GRID1: variants seen among roughly 807,000 people sequenced by gnomAD.
The protein encoded by GRID1 is glutamate receptor ionotropic, delta-1.
GRID1 carries 28 observed loss-of-function variants against 98.0 expected under a neutral mutation model. The observed-to-expected ratio is 0.29, with a 90% CI of 0.21 to 0.39. The LOEUF (loss-of-function observed/expected upper bound fraction) is 0.39, where lower values mean the gene tolerates loss of function less well. GRID1 is among the 10% of genes least tolerant of loss of function. The pLI, the probability that GRID1 is intolerant of heterozygous loss-of-function variation, is 1.00. For synonymous variants in GRID1, 553 were observed against 538.5 expected, an observed-to-expected ratio of 1.03 and a Z score of -0.37; for missense variants, 1,111 against 1,340.5, an observed-to-expected ratio of 0.83 and a Z score of 2.67.
At chr10:85,886,025 C>T (rs1841113078) in intron 5 of GRID1, among the ~76,000 whole-genome samples, 1 of 152,140 alleles carries the variant, frequency 6.6e-6, no homozygotes. Flanking sequence ...TCCAGGATAC[C>T]CAGAACCAGA....
intron 4 of GRID1, among the ~76,000 whole-genome samples, chr10:85,960,493 T>C (rs1393967673): frequency 3.3e-5 from 5 of 152,224 alleles, no homozygotes; most frequent in African/African-American, 9.6e-5. Flanking sequence ...AAGCTTTCTC[T>C]AGCCTTCAAC....
chr10:86,013,006 C>A (rs188599389), intron 4 of GRID1, among the ~76,000 whole-genome samples: 1 of 152,262 alleles, frequency 6.6e-6, no homozygotes, highest in East Asian at 1.9e-4. Flanking sequence ...TGGATCTTGA[C>A]TAATCCTAAT....
At chr10:86,363,296 T>A (rs1294170915) in intron 2 of GRID1, among the ~76,000 whole-genome samples, 2 of 152,156 alleles carry the variant, frequency 1.3e-5, no homozygotes, top group African/African-American at 2.4e-5. Context: ...GCTCCGCTCC[T>A]TTCCTGGGCG....
intron 12 of GRID1, among the ~76,000 whole-genome samples, chr10:85,679,857 C>T (rs963611331): frequency 6.6e-6 from 1 of 152,170 alleles, no homozygotes; most frequent in African/African-American, 2.4e-5. Context: ...CAGCGCCTGC[C>T]CTGAGGCAGC....
chr10:86,108,574 T>C (rs1055473694), intron 4 of GRID1, among the ~76,000 whole-genome samples: 4 of 152,150 alleles, frequency 2.6e-5, no homozygotes, highest in African/African-American at 7.2e-5. Flanking sequence ...AGGAGCTCCA[T>C]CTCCCCAAAA....
At chr10:85,755,510 C>G (rs990102521) in intron 8 of GRID1, among the ~76,000 whole-genome samples, 10 of 152,188 alleles carry the variant, frequency 6.6e-5, no homozygotes, top group Non-Finnish European at 5.9e-5. Flanking sequence ...TGCTAGTGGT[C>G]AAAGCAAGTC....
intron 4 of GRID1, among the ~76,000 whole-genome samples, chr10:85,957,844 T>C (rs1426003558): frequency 1.3e-5 from 2 of 152,224 alleles, no homozygotes; most frequent in Non-Finnish European, 2.9e-5. Flanking sequence ...TCTATATGCC[T>C]GGTCTGGCTC....
At position 85,877,964 on chromosome 10, in the gene GRID1, G is replaced by A. The variant is rs111728122; in HGVS notation, c.781-8784C>T. Among the ~76,000 whole-genome samples the A allele has an allele frequency of 2.0e-4, 31 of 152,304 alleles. 2 individuals carry two copies. Among genetic ancestry groups the A allele is most frequent in the East Asian group, 9.6e-4 (5 of 5,190 alleles). ...CTGAAAGCCAAGGCTTGAGAACTAC[G>A]TGAAGAATGCAGAAGCCTCAGGAGC... On this transcript the variant is annotated intron_variant, in intron 5 of 15. Transcript: ENST00000327946.
intron 2 of GRID1, among the ~76,000 whole-genome samples, chr10:86,246,695 C>A (rs1397425302): frequency 6.6e-6 from 1 of 152,178 alleles, no homozygotes; most frequent in Non-Finnish European, 1.5e-5. Context: ...AGAACCCCCT[C>A]TTGTCTTCCT....
intron 4 of GRID1, among the ~76,000 whole-genome samples, chr10:86,057,212 T>C (rs952923699): frequency 2.0e-5 from 3 of 152,164 alleles, no homozygotes; most frequent in Admixed American, 1.3e-4. Flanking sequence ...AGAAACCTTT[T>C]CAGAGAACAG....
rs564317443 is a variant in GRID1, at chr10:85,735,291, AC to A, written c.1234-5678del. On this transcript the variant is annotated intron_variant, in intron 8 of 15. Coordinates refer to ENST00000327946, the MANE Select transcript of GRID1 (RefSeq NM_017551.3). ...ACAAGTACTGCTGCTATTTGATAAGACAGCTACGGTTTTCATTCATTGCTGA... is the reference window on the plus strand; with the variant it reads ...ACAAGTACTGCTGCTATTTGATAAGAAGCTACGGTTTTCATTCATTGCTGA... 3.3e-4 allele frequency among the ~76,000 whole-genome samples: 50 copies of A among 152,326 alleles called. 2 individuals are homozygous for A. In the East Asian group the frequency reaches 9.6e-3, roughly 29 times the overall value.
chr10:85,876,809 G>C (rs896979196), intron 5 of GRID1, among the ~76,000 whole-genome samples: 2 of 152,232 alleles, frequency 1.3e-5, no homozygotes, highest in African/African-American at 4.8e-5. Context: ...GCGAGGCATT[G>C]CCTCACTCGG....
chr10:86,334,588 CCTT>C (rs1848198191), intron 2 of GRID1, among the ~76,000 whole-genome samples: 1 of 152,200 alleles, frequency 6.6e-6, no homozygotes, highest in African/African-American at 2.4e-5. Context: ...GTCTAAATGC[CCTT>C]CTTCTACTGT....
intron 2 of GRID1, among the ~76,000 whole-genome samples, chr10:86,249,278 C>A (rs1564718743): frequency 2.0e-5 from 3 of 152,192 alleles, no homozygotes; most frequent in Non-Finnish European, 2.9e-5. Flanking sequence ...CCTGGGAGAT[C>A]AGAGAGGGCT....
At chr10:86,289,751 G>A (rs577775032) in intron 2 of GRID1, among the ~76,000 whole-genome samples, 2 of 152,176 alleles carry the variant, frequency 1.3e-5, no homozygotes, top group Non-Finnish European at 2.9e-5. Context: ...CCACCCCAAC[G>A]AAACAGAGTG....
chr10:86,126,629 C>T (rs55940619), intron 4 of GRID1, among the ~76,000 whole-genome samples: 13,126 of 152,242 alleles, frequency 0.086, 734 homozygotes, highest in South Asian at 0.23. Flanking sequence ...TCAGACATTA[C>T]CACTTGGCAG....
chr10:85,683,781 T>C (rs757436610), intron 12 of GRID1, among the ~76,000 whole-genome samples: 1 of 152,234 alleles, frequency 6.6e-6, no homozygotes, highest in Non-Finnish European at 1.5e-5. Flanking sequence ...TTCACTGTAG[T>C]GTTCTACCAA....
chr10:86,250,404 C>T (rs1846802175), intron 2 of GRID1, among the ~76,000 whole-genome samples: 2 of 152,226 alleles, frequency 1.3e-5, no homozygotes, highest in Non-Finnish European at 2.9e-5. Flanking sequence ...GAAGAAGAGC[C>T]ATTCAGGACA....
rs367928264 is a variant in GRID1 at position 85,925,951 on chromosome 10, A to T, written c.727-9712T>A. ...GATGGAAACATGTGAATTCTTCTTAAGGCAATAAAGTTGAAAGTAGCAATT... is the reference window on the plus strand; with the variant it reads ...GATGGAAACATGTGAATTCTTCTTATGGCAATAAAGTTGAAAGTAGCAATT... On this transcript the variant is annotated intron_variant, in intron 4 of 15. Coordinates refer to ENST00000327946, the MANE Select transcript of GRID1 (RefSeq NM_017551.3). Among the ~76,000 whole-genome samples the T allele has an allele frequency of 1.5e-4, 23 of 152,392 alleles. No homozygotes were observed. In the East Asian group the frequency reaches 4.2e-3, roughly 28 times the overall value.
Sources: allele counts gnomAD v4.1 joint callset (sites outside exome capture counted in the v4.1 genomes callset), GRCh38; gene constraint gnomAD v4.1.1; transcripts MANE v1.5; gene names NCBI Gene and HGNC (gene_info 2026-07-23, HGNC 2026-07-21).